PRICKLE2: variants seen among roughly 807,000 people sequenced by gnomAD.
PRICKLE2 encodes prickle-like protein 2.
A neutral mutation model predicts 81.4 loss-of-function variants in PRICKLE2; 21 were observed. That is an observed-to-expected ratio of 0.26 (90% CI 0.18 to 0.37). The LOEUF (loss-of-function observed/expected upper bound fraction) is 0.37, where lower values mean the gene tolerates loss of function less well. Among genes scored for constraint, PRICKLE2 ranks in the 10% least tolerant of loss-of-function variants. PRICKLE2 has a pLI of 1.00. For missense variants in PRICKLE2, 940 were observed against 1,109.0 expected (o/e 0.85, Z 2.16); for synonymous variants, 456 against 421.5 (o/e 1.08, Z -1.00).
chr3:64,236,597 A>G (rs1417824275), intron 2 of PRICKLE2, among the ~76,000 whole-genome samples: 4 of 152,234 alleles, frequency 2.6e-5, no homozygotes, highest in Non-Finnish European at 5.9e-5. Flanking sequence ...TAAATATTCC[A>G]TAAGACCTAT....
chr3:64,179,914 G>A (rs1207779924), intron 2 of PRICKLE2, among the ~76,000 whole-genome samples: 1 of 152,170 alleles, frequency 6.6e-6, no homozygotes, highest in Non-Finnish European at 1.5e-5. Flanking sequence ...CCCAAAACTA[G>A]TCAAAGGATT....
At chr3:64,198,364 T>C (rs2078503022) in intron 2 of PRICKLE2, among the ~76,000 whole-genome samples, 1 of 152,110 alleles carries the variant, frequency 6.6e-6, no homozygotes, top group Admixed American at 6.5e-5. Flanking sequence ...TCAACAGTGG[T>C]CAAACACTTC....
chr3:64,192,299 C>T lies in PRICKLE2; in HGVS notation c.144+6485G>A, dbSNP rs561579613. 5.9e-5 allele frequency among the ~76,000 whole-genome samples: 9 copies of T among 152,072 alleles called. No individual in the cohort carries two copies. In the South Asian group the frequency reaches 8.3e-4, roughly 14 times the overall value. Reference sequence around the variant, plus strand: ...ACTATGCTAGGTGCTGGGAGGATTCCGAAACAAGAAAGCATGCAAGATTCC... The same window carrying T: ...ACTATGCTAGGTGCTGGGAGGATTCTGAAACAAGAAAGCATGCAAGATTCC... On this transcript the variant is annotated intron_variant, in intron 2 of 7. Transcript: ENST00000638394.
chr3:64,162,938 G>T, intron 3 of PRICKLE2, 78 bp downstream of exon 3: 1 of 929,244 alleles, frequency 1.1e-6, no homozygotes, highest in Non-Finnish European at 1.8e-6. Context: ...CTACCTCATT[G>T]GTGGCAGATT....
chr3:64,153,210 T>C lies in PRICKLE2; in HGVS notation c.759A>G (p.Glu253=), dbSNP rs1422015238. ...TATGTTGGGCACAGGTGTCACAATA[T>C]TCTGCATACAAGGACTCGAAGCAGT... ...CCHCFESLYA[E]YCDTCAQHIG... The change falls in exon 6 of 8, where the codon GAA becomes GAG. Residue 253 remains glutamate (E), a synonymous_variant. Coordinates refer to ENST00000638394, the MANE Select transcript of PRICKLE2 (RefSeq NM_198859.4). The C allele has an allele frequency of 9.9e-6, 16 of 1,614,258 alleles. No homozygotes were observed. Among genetic ancestry groups the C allele is most frequent in the East Asian group, 2.2e-5 (1 of 44,886 alleles).
At chr3:64,173,357 C>A (rs56244367) in intron 2 of PRICKLE2, among the ~76,000 whole-genome samples, 31,411 of 151,910 alleles carry the variant, frequency 0.21, 3,515 homozygotes, top group African/African-American at 0.26. Flanking sequence ...CACAGTACTC[C>A]CACTATACAG....
At chr3:64,154,599 A>G (rs946423449) in intron 5 of PRICKLE2, 2 of 152,162 alleles carry the variant, frequency 1.3e-5, no homozygotes, top group African/African-American at 4.8e-5. Context: ...CAAAAAAACA[A>G]TAAAACGCTT....
rs1267941234 is a variant in PRICKLE2, at chr3:64,203,328, GCAGT to G, written c.-40-4365_-40-4362del. On this transcript the variant is annotated intron_variant, in intron 1 of 7. Transcript: ENST00000638394. ...GCACAATGGTCAGGTCTGTTGGGAA[GCAGT>G]CAGTTTATTTCTCCAAGAAATTTTT... Among the ~76,000 whole-genome samples the G allele has an allele frequency of 2.0e-5, 3 of 152,304 alleles. No individual in the cohort carries two copies. The East Asian group carries it at 5.8e-4, about 29-fold the overall frequency.
At chr3:64,239,346 G>A (rs987336616) in intron 2 of PRICKLE2, among the ~76,000 whole-genome samples, 2 of 152,162 alleles carry the variant, frequency 1.3e-5, no homozygotes, top group Non-Finnish European at 2.9e-5. Flanking sequence ...GATACACAGA[G>A]GAGGTTCAGC....
intron 2 of PRICKLE2, among the ~76,000 whole-genome samples, chr3:64,246,212 A>G (rs2079349972): frequency 6.6e-6 from 1 of 152,208 alleles, no homozygotes; most frequent in South Asian, 2.1e-4. Context: ...ACTGCACTCC[A>G]GCCTGGGCGA....
Position 64,157,254 on chromosome 3 carries a change from C to T in PRICKLE2, c.508G>A (p.Val170Met). Reference protein sequence around the residue: ...FVCTVCNELLVDLIYFYQDGK... With the variant: ...FVCTVCNELLMDLIYFYQDGK... ...TCTTGGTAAAAGTAGATCAGATCCA[C>T]CAGGAGCTCATTGCAGACAGTGCAT... is the stretch of plus-strand genomic sequence containing the variant. Residue 170 changes from valine (V) to methionine (M), a missense_variant, in exon 5 of 8, where the codon GTG (valine) becomes ATG (methionine). Coordinates refer to ENST00000638394, the MANE Select transcript of PRICKLE2 (RefSeq NM_198859.4). The T allele has an allele frequency of 6.2e-7, 1 of 1,614,196 alleles. No homozygotes were observed. The highest frequency in any genetic ancestry group is 8.5e-7 in the Non-Finnish European group (1 of 1,180,038).
Position 64,099,930 on chromosome 3 carries a change from G to A in PRICKLE2, c.1661-5C>T. ...CACCACCATCAGCAGAGAGGCCTGG[G>A]GAAGAGAGGAGGGGACCACAGAGAT... On this transcript the variant is annotated splice_region_variant and splice_polypyrimidine_tract_variant and intron_variant, in intron 7 of 7. Coordinates refer to ENST00000638394, the MANE Select transcript of PRICKLE2 (RefSeq NM_198859.4). This position sits in a 1 kb window ranked among gnomAD's most constrained non-coding sequence, Gnocchi z 4.3. The A allele has an allele frequency of 2.5e-6, 4 of 1,613,908 alleles. No homozygotes were observed. Among genetic ancestry groups the A allele is most frequent in the Non-Finnish European group, 3.4e-6 (4 of 1,179,974 alleles).
intron 2 of PRICKLE2, among the ~76,000 whole-genome samples, chr3:64,182,324 A>G (rs1387861011): frequency 6.6e-6 from 1 of 151,846 alleles, no homozygotes; most frequent in Non-Finnish European, 1.5e-5. Flanking sequence ...CTGTCTCTAC[A>G]AAAAATACAA....
rs193296802 is a variant in PRICKLE2 at position 64,267,248 on chromosome 3, T to C, written c.129-68281A>G. On this transcript the variant is annotated intron_variant, in intron 2 of 8. Coordinates refer to the PRICKLE2 transcript ENST00000295902. ...TCTCCAAACTATACACTCCCCCATG[T>C]AGAGCTAGGAAGGGCTAGGAGAAGG... Among the ~76,000 whole-genome samples the C allele has an allele frequency of 4.1e-4, 62 of 152,252 alleles. No homozygotes were observed. The East Asian group carries it at 9.3e-3, about 23-fold the overall frequency.
intron 2 of PRICKLE2, among the ~76,000 whole-genome samples, chr3:64,254,534 C>T (rs2079496824): frequency 6.6e-6 from 1 of 152,112 alleles, no homozygotes; most frequent in South Asian, 2.1e-4. Flanking sequence ...CAATCTATTT[C>T]TCACTTCCTA....
intron 1 of PRICKLE2, among the ~76,000 whole-genome samples, chr3:64,215,106 G>A (rs996161075): frequency 1.1e-4 from 17 of 151,996 alleles, no homozygotes; most frequent in Middle Eastern, 3.2e-3. Context: ...TGCTTAAAAT[G>A]TGCCATTAAC....
intron 3 of PRICKLE2, among the ~76,000 whole-genome samples, chr3:64,161,720 A>C (rs1344188296): frequency 7.0e-6 from 1 of 143,066 alleles, no homozygotes; most frequent in Non-Finnish European, 1.5e-5. Context: ...AGAGTTAAAA[A>C]AAAAAAAAAA....
intron 7 of PRICKLE2, among the ~76,000 whole-genome samples, chr3:64,109,064 T>C (rs759364421): frequency 1.2e-4 from 19 of 152,176 alleles, no homozygotes; most frequent in Admixed American, 2.6e-4. Flanking sequence ...TGCTTGACCA[T>C]AGCCCAAGGG....
chr3:64,124,319 G>A (rs1012001035), intron 7 of PRICKLE2, among the ~76,000 whole-genome samples: 13 of 152,184 alleles, frequency 8.5e-5, no homozygotes, highest in East Asian at 1.9e-4. Flanking sequence ...AGAAGCCATC[G>A]CCATAACATA....
Sources: allele counts gnomAD v4.1 joint callset (sites outside exome capture counted in the v4.1 genomes callset), GRCh38; gene constraint gnomAD v4.1.1; non-coding constraint Gnocchi (gnomAD v3.1); transcripts MANE v1.5; gene names NCBI Gene and HGNC (gene_info 2026-07-23, HGNC 2026-07-21).